The following ZDHHC9 variants were observed in gnomAD, a reference collection of about 807,000 sequenced individuals.
The protein encoded by ZDHHC9 is zDHHC palmitoyltransferase 9.
Under a neutral mutation model 26.6 loss-of-function variants are expected in ZDHHC9, and 3 were observed. The observed-to-expected ratio is 0.11, with a 90% CI of 0.05 to 0.29. The LOEUF (loss-of-function observed/expected upper bound fraction) is 0.29. Ranked by LOEUF, ZDHHC9 falls within the 10% of genes least tolerant of loss-of-function variation. The pLI is 1.00. For synonymous variants in ZDHHC9, 111 were observed against 109.4 expected (o/e 1.01, Z -0.09); for missense variants, 146 against 296.4 (o/e 0.49, Z 3.73).
chrX:129,817,072 G>A (rs1485318077), intron 5 of ZDHHC9, among the ~76,000 whole-genome samples: 3 of 110,678 alleles, frequency 2.7e-5, no homozygotes, highest in Non-Finnish European at 5.7e-5. Context: ...ACGGGGTTTT[G>A]CCATGTTAGC....
chrX:129,836,268 T>C (rs1928258583), intron 3 of ZDHHC9, among the ~76,000 whole-genome samples: 1 of 109,392 alleles, frequency 9.1e-6, no homozygotes, highest in Admixed American at 9.6e-5. Flanking sequence ...TCTTTCTTTT[T>C]TCTATTTTAT....
intron 5 of ZDHHC9, among the ~76,000 whole-genome samples, chrX:129,819,279 T>C (rs1927830915): frequency 9.1e-6 from 1 of 109,909 alleles, no homozygotes; most frequent in African/African-American, 3.3e-5. Flanking sequence ...TATCTCCTGC[T>C]GAGGAAGCTA....
chrX:129,828,845 A>G, intron 4 of ZDHHC9, 136 bp downstream of exon 4: 2 of 869,386 alleles, frequency 2.3e-6, no homozygotes, highest in Non-Finnish European at 3.4e-6. Context: ...CGGGGTAGTC[A>G]TGATCTCAGA....
At chrX:129,814,908 T>TA in intron 5 of ZDHHC9, 113 bp from the exon 6 acceptor site, 1 of 816,892 alleles carries the variant, frequency 1.2e-6, no homozygotes, top group Non-Finnish European at 1.7e-6. Context: ...ATTTCAGTTG[T>TA]AAAAAATATA....
chrX:129,808,165 A>G (rs2124098275), intron 10 of ZDHHC9, among the ~76,000 whole-genome samples: 1 of 112,116 alleles, frequency 8.9e-6, no homozygotes, highest in East Asian at 2.8e-4. Context: ...TATAGATTCA[A>G]TGAAATCCCC....
rs367846813 is a variant in ZDHHC9, at chrX:129,814,812, G to A, written c.488-17C>T. ...CGAAGCGCTCTGTGGGAGAAAGAGA[G>A]AGTCCAAAGCCAAAAGCCTCCAGAA... On this transcript the variant is annotated splice_polypyrimidine_tract_variant and intron_variant, in intron 5 of 10. Transcript: ENST00000357166. 92 of 1,208,775 alleles carry A rather than the reference G, an allele frequency of 7.6e-5. No individual in the cohort carries two copies. The highest frequency in any genetic ancestry group is 9.7e-5 in the Non-Finnish European group (87 of 894,635).
intron 5 of ZDHHC9, among the ~76,000 whole-genome samples, chrX:129,820,653 T>G (rs1156934179): frequency 1.8e-5 from 2 of 111,839 alleles, no homozygotes; most frequent in Non-Finnish European, 3.8e-5. Flanking sequence ...CCAATTATAT[T>G]GTTATGAACT....
intron 4 of ZDHHC9, among the ~76,000 whole-genome samples, chrX:129,824,323 G>A (rs148859030): frequency 0.019 from 2,156 of 110,832 alleles, 50 homozygotes; most frequent in African/African-American, 0.067. Context: ...TCGCTCTGTC[G>A]CCCAGGCTGG....
In ZDHHC9 at chrX:129,829,051, G is replaced by A; in HGVS notation, c.258C>T (p.Thr86=). The part of the protein sequence containing the change: ...FLFSMATLLR[T]SFSDPGVIPR... ...GAATCACTCCAGGGTCACTGAAGCT[G>A]GTCCTCAACAGTGTAGCCATGGAGA... Residue 86 remains threonine, a synonymous_variant, in exon 4 of 11, where the codon ACC becomes ACT. Transcript: ENST00000357166. 1 of 1,211,726 alleles carries A rather than the reference G, an allele frequency of 8.3e-7. No individual in the cohort carries two copies. Among genetic ancestry groups the A allele is most frequent in the Non-Finnish European group, 1.1e-6 (1 of 895,470 alleles).
intron 9 of ZDHHC9, 74 bp downstream of exon 9, chrX:129,811,332 C>T (rs1191012800): frequency 3.2e-6 from 3 of 950,646 alleles, no homozygotes; most frequent in Non-Finnish European, 4.5e-6. Context: ...CAGAAAAACA[C>T]ATCAGACAAG....
At chrX:129,824,823 A>C (rs1238890195) in intron 4 of ZDHHC9, among the ~76,000 whole-genome samples, 2 of 112,305 alleles carry the variant, frequency 1.8e-5, no homozygotes, top group Non-Finnish European at 3.7e-5. Context: ...AATGACATAG[A>C]CGAAAGAATG....
intron 3 of ZDHHC9, among the ~76,000 whole-genome samples, chrX:129,840,406 TGAG>T (rs1294719288): frequency 9.1e-6 from 1 of 109,833 alleles, no homozygotes; most frequent in Non-Finnish European, 1.9e-5. Flanking sequence ...GAGAGAAGGG[TGAG>T]GAGAAGGAAA....
intron 8 of ZDHHC9, among the ~76,000 whole-genome samples, chrX:129,811,984 C>T (rs1389169644): frequency 3.6e-5 from 4 of 111,241 alleles, no homozygotes; most frequent in Non-Finnish European, 5.7e-5. Flanking sequence ...ATACTACTAA[C>T]AAAGGTGATG....
In ZDHHC9 at chrX:129,839,495, G is replaced by A. The variant is rs1454302861; in HGVS notation, c.167+2284C>T. 5.4e-5 allele frequency among the ~76,000 whole-genome samples: 6 copies of A among 111,549 alleles called. No homozygotes were observed. In the Admixed American group the frequency reaches 5.7e-4, roughly 11 times the overall value. Reference sequence around the variant, plus strand: ...CCCCAAGTGCTGGGATTACAGGCATGAGCCACTGCGCTAAGTCCTAATACT... The same window carrying A: ...CCCCAAGTGCTGGGATTACAGGCATAAGCCACTGCGCTAAGTCCTAATACT... On this transcript the variant is annotated intron_variant, in intron 3 of 10. Transcript: ENST00000357166.
At chrX:129,820,593 A>G (rs901592691) in intron 5 of ZDHHC9, among the ~76,000 whole-genome samples, 1 of 111,498 alleles carries the variant, frequency 9.0e-6, no homozygotes, top group Non-Finnish European at 1.9e-5. Context: ...CCTATCTCAA[A>G]ACAAAAGCAT....
In ZDHHC9 at chrX:129,834,938, C is replaced by T. The variant is rs909530334; in HGVS notation, c.168-5797G>A. On this transcript the variant is annotated intron_variant, in intron 3 of 10. Coordinates refer to ENST00000357166, the MANE Select transcript of ZDHHC9 (RefSeq NM_016032.4). ...GAAAGATTTAGGAGTCTCTTCTTTC[C>T]CTCAATAACATCTCAACTGATGTCA... Among the ~76,000 whole-genome samples the T allele has an allele frequency of 5.3e-5, 6 of 112,360 alleles. No individual in the cohort carries two copies. In the Admixed American group the frequency reaches 5.7e-4, roughly 11 times the overall value.
rs1471082658 is a variant in ZDHHC9 at position 129,843,772 on chromosome X, A to G, written c.-280T>C. ...GTCCCAGGGAATCACGTCGGCAGCC[A>G]AAGGTGGCAGCGACTTGTCCTCCCC... On this transcript the variant is annotated 5_prime_UTR_variant, in exon 1 of 11. Coordinates refer to ENST00000357166, the MANE Select transcript of ZDHHC9 (RefSeq NM_016032.4). 1 of 104,366 alleles carries G rather than the reference A, an allele frequency of 9.6e-6. No homozygotes were observed. Among genetic ancestry groups the G allele is most frequent in the Non-Finnish European group, 2.0e-5 (1 of 51,237 alleles). The allele number at this position is 104,366 out of a possible 1,213,427, so 8.6% of individuals were successfully genotyped here.
chrX:129,806,320 T>C lies in ZDHHC9; in HGVS notation c.*50A>G, dbSNP rs767743728. On this transcript the variant is annotated 3_prime_UTR_variant, in exon 11 of 11. Transcript: ENST00000357166. ...CTCAGGTTTAACTTCTCACCTGAAA[T>C]CTCTCATAGCCCTAATTAAACACAA... The C allele has an allele frequency of 1.9e-6, 2 of 1,059,927 alleles. No individual in the cohort carries two copies. The highest frequency in any genetic ancestry group is 3.7e-5 in the South Asian group (2 of 53,855). The allele number at this position is 1,059,927 out of a possible 1,213,427, so 87.3% of individuals were successfully genotyped here. A position where few individuals can be genotyped will look rare whatever the true frequency, so the allele number is the denominator to read the frequency against.
rs1046280879 is a variant in ZDHHC9, at chrX:129,805,736, T to C, written c.*634A>G. 2 of 112,508 alleles carry C rather than the reference T, an allele frequency of 1.8e-5. No individual in the cohort carries two copies. The highest frequency in any genetic ancestry group is 3.7e-5 in the Non-Finnish European group (2 of 53,779). 9.3% of individuals were successfully genotyped at this position (112,508 alleles called of 1,213,427 possible). On this transcript the variant is annotated 3_prime_UTR_variant, in exon 11 of 11. Coordinates refer to ENST00000357166, the MANE Select transcript of ZDHHC9 (RefSeq NM_016032.4). ...ACTACAACTACTTACATATATCTAA[T>C]GGGAAAAGAGTGGGGCTTAGGTGTC...
Sources: gnomAD v4.1 joint callset for allele counts (sites outside exome capture counted in the v4.1 genomes callset) on GRCh38, gnomAD v4.1.1 for gene constraint, MANE v1.5 for transcripts, NCBI Gene and HGNC (gene_info 2026-07-23, HGNC 2026-07-21) for gene names.